Variants in ENOX2 observed in about 807,000 individuals in gnomAD.
ENOX2 encodes the protein ecto-NOX disulfide-thiol exchanger 2, also known as APK1 antigen.
ENOX2 carries 36 observed loss-of-function variants against 45.0 expected under a neutral mutation model. The observed-to-expected ratio is 0.80, with a 90% CI of 0.61 to 1.06. The LOEUF (loss-of-function observed/expected upper bound fraction) is 1.06. Among genes scored for constraint, ENOX2 ranks in the 50% least tolerant of loss-of-function variants. The pLI is 0.00. For synonymous variants in ENOX2, 174 were observed against 152.3 expected (o/e 1.14, Z -1.05); for missense variants, 423 against 462.5 (o/e 0.91, Z 0.78).
chrX:130,672,248 G>A (rs999027225), intron 6 of ENOX2, among the ~76,000 whole-genome samples: 3 of 111,787 alleles, frequency 2.7e-5, no homozygotes, highest in Admixed American at 1.9e-4. Flanking sequence ...GAAACTGGGG[G>A]CTCCCAGCAC....
chrX:130,831,644 A>G (rs1316296439), intron 2 of ENOX2, among the ~76,000 whole-genome samples: 1 of 111,058 alleles, frequency 9.0e-6, no homozygotes, highest in Non-Finnish European at 1.9e-5. Context: ...TCTCATAGAA[A>G]CCTTTTTTCC....
At position 130,867,029 on chromosome X, in the gene ENOX2, C is replaced by A. The variant is rs774002354; in HGVS notation, c.-183+34655G>T. Among the ~76,000 whole-genome samples, 4 of 110,614 alleles carry A rather than the reference C, an allele frequency of 3.6e-5. No individual in the cohort carries two copies. The East Asian group carries it at 1.1e-3, about 31-fold the overall frequency. On this transcript the variant is annotated intron_variant, in intron 2 of 14. Transcript: ENST00000394363. ...ACTATGACTTGTAAAAGTAATTATT[C>A]ATGTAAATATAACAACAATAAATCA...
At chrX:130,646,037 C>T (rs191596092) in intron 10 of ENOX2, 4 of 562,730 alleles carry the variant, frequency 7.1e-6, no homozygotes, top group Middle Eastern at 3.2e-4. Flanking sequence ...GCTGCTGTAA[C>T]GTCAACGTCC....
chrX:130,714,924 G>C (rs1337296454), intron 3 of ENOX2, among the ~76,000 whole-genome samples: 1 of 111,731 alleles, frequency 9.0e-6, no homozygotes, highest in Non-Finnish European at 1.9e-5. Flanking sequence ...ACTTTAAACT[G>C]AGTTTTGAAA....
At chrX:130,701,961 C>CT (rs1047466779) in intron 4 of ENOX2, among the ~76,000 whole-genome samples, 14 of 111,253 alleles carry the variant, frequency 1.3e-4, no homozygotes, top group Non-Finnish European at 1.7e-4. Flanking sequence ...ATTTAGACTC[C>CT]TTTTTTTTCT....
At chrX:130,674,280 C>T (rs1259435782) in intron 6 of ENOX2, among the ~76,000 whole-genome samples, 1 of 108,643 alleles carries the variant, frequency 9.2e-6, no homozygotes, top group Non-Finnish European at 1.9e-5. Context: ...ACAGGTGCCC[C>T]CGCATCTATA....
At position 130,670,150 on chromosome X, in the gene ENOX2, C is replaced by G. The variant is rs2036943520; in HGVS notation, c.509G>C (p.Arg170Thr). The change falls in exon 7 of 15, where the codon AGA (arginine) becomes ACA (threonine). Residue 170 changes from arginine to threonine, a missense_variant. Arg to Thr is a moderately conservative substitution (Grantham distance 71). Coordinates refer to ENST00000394363, the MANE Select transcript of ENOX2 (RefSeq NM_006375.4). ...GSSTDKKDTG[R>T]LHVDFAQARD... is the part of the protein sequence containing the mutation. ...AGCCTGTGCGAAATCAACGTGGAGT[C>G]TGCCTGTGTCCTTCTTGTCAGTACT... 8.3e-7 allele frequency: 1 copy of G among 1,209,181 alleles called. No homozygotes were observed. Among genetic ancestry groups the G allele is most frequent in the African/African-American group, 1.8e-5 (1 of 56,895 alleles).
chrX:130,666,561 C>T (rs1019811419), intron 8 of ENOX2, among the ~76,000 whole-genome samples: 111 of 109,948 alleles, frequency 1.0e-3, no homozygotes, highest in Non-Finnish European at 1.7e-3. Context: ...TTTTTTTTTT[C>T]TTTACATCCC....
chrX:130,700,372 G>A lies in ENOX2; in HGVS notation c.97+2748C>T, dbSNP rs189525731. Among the ~76,000 whole-genome samples the A allele has an allele frequency of 9.0e-3, 1,009 of 112,170 alleles. 4 individuals are homozygous for A. Among genetic ancestry groups the A allele is most frequent in the Middle Eastern group, 0.018 (4 of 217 alleles). ...TCTAAAGAGTCAATTAACTTTCCCT[G>A]GAGCATGGTGGCAGCAGAATCACTG... On this transcript the variant is annotated intron_variant, in intron 4 of 14. Transcript: ENST00000394363.
intron 2 of ENOX2, among the ~76,000 whole-genome samples, chrX:130,829,397 T>C (rs2077778992): frequency 9.0e-6 from 1 of 111,674 alleles, no homozygotes; most frequent in Non-Finnish European, 1.9e-5. Context: ...GCTAATTTAT[T>C]TACCCTAGGT....
At chrX:130,890,952 T>C (rs1569336392) in intron 2 of ENOX2, among the ~76,000 whole-genome samples, 1 of 112,781 alleles carries the variant, frequency 8.9e-6, no homozygotes, top group Non-Finnish European at 1.9e-5. Flanking sequence ...AGTCTAGTGA[T>C]GAAACAGATA....
At chrX:130,674,132 G>A (rs1347057575) in intron 6 of ENOX2, among the ~76,000 whole-genome samples, 2 of 111,170 alleles carry the variant, frequency 1.8e-5, no homozygotes, top group Non-Finnish European at 3.8e-5. Context: ...AGACACTGGG[G>A]ACTCCAAAAG....
At chrX:130,686,922 C>T (rs756496535) in intron 5 of ENOX2, among the ~76,000 whole-genome samples, 2 of 111,658 alleles carry the variant, frequency 1.8e-5, no homozygotes, top group African/African-American at 6.5e-5. Flanking sequence ...CTAGTTGCCC[C>T]GTAAGCATTC....
chrX:130,666,874 A>G (rs1053792514), intron 8 of ENOX2, among the ~76,000 whole-genome samples: 1 of 112,038 alleles, frequency 8.9e-6, no homozygotes, highest in Non-Finnish European at 1.9e-5. Context: ...TGAAAAAATA[A>G]GAGTGTATAA....
At chrX:130,902,065 G>C (rs1394847780) in intron 1 of ENOX2, among the ~76,000 whole-genome samples, 1 of 111,352 alleles carries the variant, frequency 9.0e-6, no homozygotes, top group African/African-American at 3.3e-5. Context: ...AAGCCTGAAA[G>C]CCGGATGAGG....
chrX:130,672,567 C>T (rs1300399749), intron 6 of ENOX2, among the ~76,000 whole-genome samples: 1 of 112,692 alleles, frequency 8.9e-6, no homozygotes, highest in Non-Finnish European at 1.9e-5. Flanking sequence ...AAGGCAGAGT[C>T]CCTCCCCGTC....
intron 2 of ENOX2, among the ~76,000 whole-genome samples, chrX:130,868,597 T>G (rs185129351): frequency 1.1e-3 from 121 of 112,176 alleles, no homozygotes; most frequent in African/African-American, 3.8e-3. Flanking sequence ...CTTTGGTCAC[T>G]TCACTGGTTT....
intron 10 of ENOX2, among the ~76,000 whole-genome samples, chrX:130,651,240 A>T (rs2036391301): frequency 8.9e-6 from 1 of 111,867 alleles, no homozygotes; most frequent in Non-Finnish European, 1.9e-5. Flanking sequence ...CACCATTCCA[A>T]CCAGGCTTCT....
At chrX:130,633,814 G>A (rs1449588181) in intron 12 of ENOX2, among the ~76,000 whole-genome samples, 1 of 112,251 alleles carries the variant, frequency 8.9e-6, no homozygotes, top group African/African-American at 3.2e-5. Flanking sequence ...GCAGCTCTGG[G>A]ACACTTTAGA....
Sources: allele counts gnomAD v4.1 joint callset (sites outside exome capture counted in the v4.1 genomes callset), GRCh38; gene constraint gnomAD v4.1.1; transcripts MANE v1.5; gene names NCBI Gene and HGNC (gene_info 2026-07-23, HGNC 2026-07-21).